DLGAP2: variants seen among roughly 807,000 people sequenced by gnomAD.
DLGAP2 encodes disks large-associated protein 2.
Under a neutral mutation model 100.3 loss-of-function variants are expected in DLGAP2, and 26 were observed. The ratio of observed to expected loss-of-function variants is 0.26; its 90% CI spans 0.19 to 0.36. The LOEUF (loss-of-function observed/expected upper bound fraction) is 0.36. Ranked by LOEUF, DLGAP2 falls within the 10% of genes least tolerant of loss-of-function variation. DLGAP2 has a pLI of 1.00. For missense variants in DLGAP2, 1,858 were observed against 1,453.2 expected (o/e 1.28, Z -4.53); for synonymous variants, 886 against 630.1 (o/e 1.41, Z -6.08).
intron 2 of DLGAP2, among the ~76,000 whole-genome samples, chr8:1,094,118 G>A (rs1351272415): frequency 6.6e-6 from 1 of 152,138 alleles, no homozygotes; most frequent in Non-Finnish European, 1.5e-5. Flanking sequence ...GCAGCTCCGT[G>A]GAGTGGGCAG....
chr8:1,578,106 G>C (rs1256318783), intron 6 of DLGAP2, among the ~76,000 whole-genome samples: 1 of 152,170 alleles, frequency 6.6e-6, no homozygotes, highest in East Asian at 1.9e-4. Context: ...AGTGCACTGA[G>C]TGTTTTTCTC....
intron 2 of DLGAP2, among the ~76,000 whole-genome samples, chr8:1,252,259 T>G (rs1329707976): frequency 2.0e-5 from 3 of 151,930 alleles, no homozygotes; most frequent in African/African-American, 7.3e-5. Context: ...TGGGTCGTGG[T>G]GTCACAGTCA....
intron 1 of DLGAP2, among the ~76,000 whole-genome samples, chr8:843,745 C>T (rs1367339299): frequency 1.3e-5 from 2 of 152,236 alleles, no homozygotes; most frequent in Non-Finnish European, 2.9e-5. Flanking sequence ...GCATTCACCA[C>T]ATTCCTCACG....
At chr8:1,213,302 G>C (rs1798144425) in intron 2 of DLGAP2, among the ~76,000 whole-genome samples, 1 of 152,114 alleles carries the variant, frequency 6.6e-6, no homozygotes. Flanking sequence ...GCCCACATTT[G>C]TTTGATTTTA....
At chr8:1,345,088 C>A (rs538969592) in intron 3 of DLGAP2, among the ~76,000 whole-genome samples, 48 of 152,310 alleles carry the variant, frequency 3.2e-4, no homozygotes, top group Middle Eastern at 3.4e-3. Flanking sequence ...GTTCATGACT[C>A]GGGAACAATT....
At chr8:1,536,852 G>A (rs1466873987) in intron 4 of DLGAP2, among the ~76,000 whole-genome samples, 1 of 152,078 alleles carries the variant, frequency 6.6e-6, no homozygotes, top group African/African-American at 2.4e-5. Context: ...CCTGTAGGAG[G>A]CGCTGGCCAG....
rs368926797 is a variant in DLGAP2 at position 1,220,569 on chromosome 8, A to G, written c.74-38282A>G. Among the ~76,000 whole-genome samples the G allele has an allele frequency of 5.9e-5, 9 of 152,196 alleles. No individual in the cohort carries two copies. The South Asian group carries it at 1.2e-3, about 21-fold the overall frequency. On this transcript the variant is annotated intron_variant, in intron 2 of 14. Coordinates refer to ENST00000637795, the MANE Select transcript of DLGAP2 (RefSeq NM_001346810.2). ...ATGTGCCGTGTGGAGATGAGACTAT[A>G]TATTCTGTTGTTGTTGGGGAGAGTA...
chr8:1,633,121 C>A (rs1227017438), intron 8 of DLGAP2, 75 bp downstream of exon 8: 8 of 1,372,358 alleles, frequency 5.8e-6, no homozygotes, highest in South Asian at 1.2e-5. Context: ...AAGGAGCGAG[C>A]AGCACACAGC....
chr8:804,738 C>A (rs976060274), intron 1 of DLGAP2, among the ~76,000 whole-genome samples: 1 of 152,160 alleles, frequency 6.6e-6, no homozygotes, highest in Admixed American at 6.5e-5. Flanking sequence ...CACTGGTTGT[C>A]CTATACAAGT....
At chr8:1,520,462 C>G (rs982332680) in intron 4 of DLGAP2, among the ~76,000 whole-genome samples, 5 of 152,210 alleles carry the variant, frequency 3.3e-5, no homozygotes, top group African/African-American at 1.2e-4. Flanking sequence ...TCCTTCACGT[C>G]AGGGGTCACG....
chr8:1,336,830 TC>T (rs1231237505), intron 3 of DLGAP2, among the ~76,000 whole-genome samples: 1 of 148,044 alleles, frequency 6.8e-6, no homozygotes, highest in East Asian at 2.0e-4. Context: ...CACACATTTT[TC>T]CTAATGTTTA....
rs146360277 is a variant in DLGAP2 at position 880,826 on chromosome 8, A to G, written c.19-27086A>G. Among the ~76,000 whole-genome samples, 403 of 152,324 alleles carry G rather than the reference A, an allele frequency of 2.6e-3. 2 individuals carry two copies. Among genetic ancestry groups the G allele is most frequent in the African/African-American group, 9.0e-3 (376 of 41,586 alleles). ...TCCTGCTCGTTCATGGACTCAACGC[A>G]GATGTAATTTTTGCTAAGAAGTTCC... On this transcript the variant is annotated intron_variant, in intron 1 of 14. Coordinates refer to ENST00000637795, the MANE Select transcript of DLGAP2 (RefSeq NM_001346810.2).
chr8:1,414,786 A>G (rs531261316), intron 3 of DLGAP2, among the ~76,000 whole-genome samples: 18 of 152,324 alleles, frequency 1.2e-4, no homozygotes, highest in African/African-American at 4.1e-4. Flanking sequence ...AGGTGGGCAG[A>G]TCACCTGAGG....
intron 13 of DLGAP2, among the ~76,000 whole-genome samples, chr8:1,693,279 T>A (rs1365857312): frequency 6.7e-6 from 1 of 149,198 alleles, no homozygotes. Context: ...TATATATACA[T>A]TTGCCTACAC....
At chr8:1,303,965 G>C (rs1163481035) in intron 3 of DLGAP2, among the ~76,000 whole-genome samples, 3 of 152,170 alleles carry the variant, frequency 2.0e-5, no homozygotes, top group Non-Finnish European at 2.9e-5. Flanking sequence ...GAAGGGAAGA[G>C]GTAATTTTTC....
At chr8:1,323,725 C>G (rs1800960187) in intron 3 of DLGAP2, among the ~76,000 whole-genome samples, 1 of 152,196 alleles carries the variant, frequency 6.6e-6, no homozygotes, top group South Asian at 2.1e-4. Flanking sequence ...AGGAGCCCTG[C>G]CTCCGCTCCA....
At chr8:1,593,105 C>G (rs1183774345) in intron 6 of DLGAP2, among the ~76,000 whole-genome samples, 2 of 151,998 alleles carry the variant, frequency 1.3e-5, no homozygotes, top group African/African-American at 4.8e-5. Flanking sequence ...GCCCTCCTTC[C>G]CCTCAACAAA....
chr8:970,795 A>G (rs1023039901), intron 2 of DLGAP2, among the ~76,000 whole-genome samples: 8 of 152,348 alleles, frequency 5.3e-5, no homozygotes, highest in Non-Finnish European at 7.3e-5. Context: ...AGTATATTCT[A>G]TGACCTTGAT....
At chr8:1,053,431 A>G (rs373571131) in intron 2 of DLGAP2, among the ~76,000 whole-genome samples, 2 of 152,170 alleles carry the variant, frequency 1.3e-5, no homozygotes, top group African/African-American at 4.8e-5. Flanking sequence ...TCCACAGAGA[A>G]GGAACCAGAA....
Sources: allele counts gnomAD v4.1 joint callset (sites outside exome capture counted in the v4.1 genomes callset), GRCh38; gene constraint gnomAD v4.1.1; transcripts MANE v1.5; gene names NCBI Gene and HGNC (gene_info 2026-07-23, HGNC 2026-07-21).